ENOX2: variants seen among roughly 807,000 people sequenced by gnomAD.
The protein encoded by ENOX2 is APK1 antigen.
In ENOX2, 36 loss-of-function variants were observed where a neutral mutation model predicts 45.0. The observed-to-expected ratio is 0.80, with a 90% CI of 0.61 to 1.06. The LOEUF (loss-of-function observed/expected upper bound fraction) is 1.06. Among genes scored for constraint, ENOX2 ranks in the 50% least tolerant of loss-of-function variants. The pLI is 0.00. For synonymous variants in ENOX2, 174 were observed against 152.3 expected (o/e 1.14, Z -1.05); for missense variants, 423 against 462.5 (o/e 0.91, Z 0.78).
intron 2 of ENOX2, among the ~76,000 whole-genome samples, chrX:130,851,581 T>C (rs1259160071): frequency 4.5e-5 from 5 of 110,784 alleles, no homozygotes; most frequent in Non-Finnish European, 7.6e-5. Flanking sequence ...ATCGAACTAA[T>C]AGATGAAATG....
At chrX:130,886,496 G>A (rs903012915) in intron 2 of ENOX2, among the ~76,000 whole-genome samples, 1 of 111,881 alleles carries the variant, frequency 8.9e-6, no homozygotes, top group African/African-American at 3.2e-5. Flanking sequence ...AAAAACATTC[G>A]CCCATACCTG....
chrX:130,680,191 A>G (rs925413199), intron 5 of ENOX2, among the ~76,000 whole-genome samples: 1 of 112,120 alleles, frequency 8.9e-6, no homozygotes, highest in Non-Finnish European at 1.9e-5. Context: ...TCTCTCTGTT[A>G]ATGCTTTTTG....
In ENOX2 at chrX:130,831,190, G is replaced by A. The variant is rs776906811; in HGVS notation, c.-182-47500C>T. Among the ~76,000 whole-genome samples, 4 of 110,461 alleles carry A rather than the reference G, an allele frequency of 3.6e-5. No individual in the cohort carries two copies. The East Asian group carries it at 8.6e-4, about 24-fold the overall frequency. ...CCCTCATGACCTAATCATCTCTTAC[G>A]GGTACCATTTCCCAATACTGTTAAC... On this transcript the variant is annotated intron_variant, in intron 2 of 14. Transcript: ENST00000394363.
intron 5 of ENOX2, among the ~76,000 whole-genome samples, chrX:130,684,382 G>T (rs1283466830): frequency 2.7e-5 from 3 of 112,023 alleles, no homozygotes; most frequent in Admixed American, 9.4e-5. Context: ...TTTATAAACT[G>T]GTAGTCTGTC....
chrX:130,880,519 T>C (rs750690960), intron 2 of ENOX2, among the ~76,000 whole-genome samples: 6 of 112,259 alleles, frequency 5.3e-5, no homozygotes, highest in African/African-American at 1.6e-4. Flanking sequence ...AAAGTATTAA[T>C]GCTATTTTAA....
At chrX:130,801,102 G>A (rs1263123890) in intron 2 of ENOX2, among the ~76,000 whole-genome samples, 1 of 112,020 alleles carries the variant, frequency 8.9e-6, no homozygotes. Context: ...ATATTCTTAC[G>A]GTGGTGGCCA....
intron 3 of ENOX2, among the ~76,000 whole-genome samples, chrX:130,721,302 G>A (rs1477057028): frequency 8.9e-6 from 1 of 111,931 alleles, no homozygotes; most frequent in Non-Finnish European, 1.9e-5. Context: ...GCTGAAGAGA[G>A]CGAGTCACAT....
chrX:130,799,975 G>GT lies in ENOX2; in HGVS notation c.-182-16286dup, dbSNP rs1410677603. ...AGAACATGTAAGGAAGCACAGAACA[G>GT]TTTTTTTTTAATGATGTTTAAATAC... On this transcript the variant is annotated intron_variant, in intron 2 of 14. Transcript: ENST00000394363. 3.6e-3 allele frequency among the ~76,000 whole-genome samples: 391 copies of GT among 109,566 alleles called. 2 individuals carry two copies. Among genetic ancestry groups the GT allele is most frequent in the African/African-American group, 0.012 (369 of 30,269 alleles).
chrX:130,865,398 T>A (rs1348148724), intron 2 of ENOX2, among the ~76,000 whole-genome samples: 3 of 111,839 alleles, frequency 2.7e-5, no homozygotes, highest in African/African-American at 9.8e-5. Context: ...ACCTCCATCT[T>A]CACTGTGCAT....
chrX:130,892,853 T>G (rs1325404522), intron 2 of ENOX2, among the ~76,000 whole-genome samples: 1 of 112,645 alleles, frequency 8.9e-6, no homozygotes, highest in African/African-American at 3.2e-5. Context: ...TGTACTAATG[T>G]CTGCCACTTA....
intron 3 of ENOX2, among the ~76,000 whole-genome samples, chrX:130,762,315 C>T (rs2039510665): frequency 8.9e-6 from 1 of 112,410 alleles, no homozygotes; most frequent in Admixed American, 9.4e-5. Context: ...GGGCTCACTC[C>T]TGTAATCTCA....
intron 2 of ENOX2, among the ~76,000 whole-genome samples, chrX:130,884,474 C>T (rs2078870067): frequency 1.8e-5 from 2 of 111,146 alleles, no homozygotes; most frequent in South Asian, 7.8e-4. Context: ...GTACACGGGA[C>T]AGTCTCTAAT....
chrX:130,695,092 C>G (rs763085127), intron 4 of ENOX2, among the ~76,000 whole-genome samples: 37 of 111,867 alleles, frequency 3.3e-4, no homozygotes, highest in African/African-American at 9.7e-4. Context: ...CATTAGTCTA[C>G]ACTGCTTCCC....
intron 2 of ENOX2, among the ~76,000 whole-genome samples, chrX:130,827,751 A>C (rs1344416382): frequency 8.9e-6 from 1 of 112,006 alleles, no homozygotes; most frequent in East Asian, 2.8e-4. Context: ...AATGAGGAAA[A>C]AAAGTATGTT....
At chrX:130,660,934 T>C (rs905317115) in intron 9 of ENOX2, among the ~76,000 whole-genome samples, 2 of 112,023 alleles carry the variant, frequency 1.8e-5, no homozygotes, top group Admixed American at 9.4e-5. Context: ...TGGGGAACAA[T>C]GTACTTTCAT....
Position 130,654,114 on chromosome X carries a change from T to C in ENOX2, c.1129+2467A>G, listed in dbSNP as rs1041877736. On this transcript the variant is annotated intron_variant, in intron 10 of 14. Coordinates refer to ENST00000394363, the MANE Select transcript of ENOX2 (RefSeq NM_006375.4). ...TGCTGAAAGGGAAGAGCTTTTCTTA[T>C]GTTTACTGGGTACAGTACTTTCCAT... Among the ~76,000 whole-genome samples, 4 of 112,226 alleles carry C rather than the reference T, an allele frequency of 3.6e-5. No homozygotes were observed. In the Admixed American group the frequency reaches 3.8e-4, roughly 11 times the overall value.
chrX:130,878,252 G>A (rs764616434), intron 2 of ENOX2, among the ~76,000 whole-genome samples: 20 of 112,014 alleles, frequency 1.8e-4, no homozygotes, highest in Non-Finnish European at 3.4e-4. Flanking sequence ...TCGGGGTGGG[G>A]TTTCCTTTTA....
chrX:130,765,740 T>C (rs1050060105), intron 3 of ENOX2, among the ~76,000 whole-genome samples: 1 of 111,930 alleles, frequency 8.9e-6, no homozygotes, highest in African/African-American at 3.2e-5. Context: ...AGTATTTACC[T>C]AGGAGTACAA....
chrX:130,751,396 T>C (rs1468135609), intron 3 of ENOX2, among the ~76,000 whole-genome samples: 2 of 112,596 alleles, frequency 1.8e-5, no homozygotes, highest in African/African-American at 6.4e-5. Flanking sequence ...TTTTTATGGT[T>C]GAATAATATT....
Sources: gnomAD v4.1 joint callset for allele counts (sites outside exome capture counted in the v4.1 genomes callset) on GRCh38, gnomAD v4.1.1 for gene constraint, MANE v1.5 for transcripts, NCBI Gene and HGNC (gene_info 2026-07-23, HGNC 2026-07-21) for gene names.